Variants in ASTN2 observed in about 807,000 individuals in gnomAD.
ASTN2 encodes the protein astrotactin-2.
A neutral mutation model predicts 139.8 loss-of-function variants in ASTN2; 54 were observed. The observed-to-expected ratio is 0.39, with a 90% confidence interval of 0.31 to 0.48. ASTN2 has a LOEUF of 0.48. Ranked by LOEUF, ASTN2 falls within the 20% of genes least tolerant of loss-of-function variation. The pLI is 0.95. For synonymous variants in ASTN2, 756 were observed against 719.5 expected (o/e 1.05, Z -0.81); for missense variants, 1,565 against 1,725.1 (o/e 0.91, Z 1.64).
intron 13 of ASTN2, among the ~76,000 whole-genome samples, chr9:116,764,352 A>G (rs913852219): frequency 2.6e-5 from 4 of 152,172 alleles, no homozygotes; most frequent in Admixed American, 1.3e-4. Context: ...GTTTGAGCCA[A>G]TGCTGAAGGG....
chr9:116,584,356 T>C (rs372668609), intron 19 of ASTN2: 2 of 152,056 alleles, frequency 1.3e-5, no homozygotes, highest in South Asian at 4.1e-4. Context: ...TTCTGATCTC[T>C]CACTGGACAA....
At chr9:116,833,344 T>C (rs1182057156) in intron 11 of ASTN2, among the ~76,000 whole-genome samples, 2 of 152,196 alleles carry the variant, frequency 1.3e-5, no homozygotes, top group Non-Finnish European at 2.9e-5. Context: ...CATTTTCAAA[T>C]AATCAATTTT....
At chr9:116,556,495 C>T (rs1325984181) in intron 19 of ASTN2, among the ~76,000 whole-genome samples, 1 of 152,162 alleles carries the variant, frequency 6.6e-6, no homozygotes, top group Non-Finnish European at 1.5e-5. Context: ...TAAAAGTCCC[C>T]AGAGGCTGTT....
intron 3 of ASTN2, among the ~76,000 whole-genome samples, chr9:117,193,623 A>T (rs552366588): frequency 2.0e-4 from 24 of 119,128 alleles, no homozygotes; most frequent in African/African-American, 8.0e-4. Context: ...CTGGTGACAC[A>T]GCCAGATTCA....
intron 2 of ASTN2, among the ~76,000 whole-genome samples, chr9:117,285,869 G>A (rs897246205): frequency 6.6e-6 from 1 of 152,256 alleles, no homozygotes; most frequent in African/African-American, 2.4e-5. Flanking sequence ...ATCCTTCTGA[G>A]AGAAACATGC....
intron 17 of ASTN2, among the ~76,000 whole-genome samples, chr9:116,638,525 G>A (rs529848788): frequency 5.2e-4 from 67 of 127,704 alleles, no homozygotes; most frequent in African/African-American, 1.8e-3. Flanking sequence ...TATGGGCTGT[G>A]GGGAATTGCC....
intron 4 of ASTN2, among the ~76,000 whole-genome samples, chr9:117,101,197 C>A (rs1005542710): frequency 6.6e-6 from 1 of 152,148 alleles, no homozygotes; most frequent in Admixed American, 6.5e-5. Flanking sequence ...CTGTGACATC[C>A]TGGGGAGGTG....
chr9:116,903,563 T>C (rs936424951), intron 10 of ASTN2, among the ~76,000 whole-genome samples: 2 of 152,186 alleles, frequency 1.3e-5, no homozygotes, highest in African/African-American at 2.4e-5. Context: ...GAATTAATAA[T>C]AACTGACACT....
intron 5 of ASTN2, among the ~76,000 whole-genome samples, chr9:117,058,600 T>G (rs992429126): frequency 1.1e-4 from 17 of 152,238 alleles, no homozygotes; most frequent in Non-Finnish European, 2.4e-4. Context: ...CCTCTGAAAC[T>G]GTATCTATAC....
At chr9:117,369,796 T>C (rs778369016) in intron 1 of ASTN2, among the ~76,000 whole-genome samples, 3 of 152,158 alleles carry the variant, frequency 2.0e-5, no homozygotes, top group Non-Finnish European at 4.4e-5. Flanking sequence ...CATTTGGTAC[T>C]TTTCCTGTTA....
intron 5 of ASTN2, among the ~76,000 whole-genome samples, chr9:117,068,015 A>C: frequency 1.1e-5 from 1 of 90,298 alleles, no homozygotes; most frequent in Non-Finnish European, 2.2e-5. Flanking sequence ...CTCCTGCCTA[A>C]TTGCCCTGGC....
At chr9:117,055,121 G>C (rs1027543623) in intron 5 of ASTN2, among the ~76,000 whole-genome samples, 1 of 152,192 alleles carries the variant, frequency 6.6e-6, no homozygotes, top group Non-Finnish European at 1.5e-5. Context: ...CTGCAGCCTG[G>C]GGGACCCCTG....
chr9:117,177,956 A>C (rs1050818011), intron 3 of ASTN2, among the ~76,000 whole-genome samples: 1 of 152,002 alleles, frequency 6.6e-6, no homozygotes, highest in South Asian at 2.1e-4. Context: ...GCTCTTTACC[A>C]TCAACTCCAA....
At chr9:116,449,959 G>A (rs895670050) in intron 20 of ASTN2, among the ~76,000 whole-genome samples, 2 of 152,118 alleles carry the variant, frequency 1.3e-5, no homozygotes, top group South Asian at 2.1e-4. Flanking sequence ...CCCATACTTC[G>A]TGGAGCAAAG....
chr9:117,319,919 C>T (rs1293432309), intron 1 of ASTN2, among the ~76,000 whole-genome samples: 1 of 152,172 alleles, frequency 6.6e-6, no homozygotes, highest in East Asian at 1.9e-4. Context: ...AATTTCTCTA[C>T]TGCACCACAG....
intron 19 of ASTN2, among the ~76,000 whole-genome samples, chr9:116,602,555 T>A (rs1324922069): frequency 1.3e-5 from 2 of 152,128 alleles, no homozygotes; most frequent in Non-Finnish European, 2.9e-5. Flanking sequence ...GCATGAAAAA[T>A]GTTAAATTGT....
intron 3 of ASTN2, among the ~76,000 whole-genome samples, chr9:117,169,611 A>G (rs1174006990): frequency 6.6e-6 from 1 of 152,112 alleles, no homozygotes; most frequent in African/African-American, 2.4e-5. Context: ...AAGCCACTAG[A>G]AAAAAGGGCA....
chr9:117,118,027 A>G (rs945538080), intron 4 of ASTN2, among the ~76,000 whole-genome samples: 1 of 152,166 alleles, frequency 6.6e-6, no homozygotes, highest in Non-Finnish European at 1.5e-5. Flanking sequence ...AACGAGGAAA[A>G]AAGTGCCAGG....
chr9:117,377,256 G>A (rs554770526), intron 1 of ASTN2, among the ~76,000 whole-genome samples: 8 of 151,944 alleles, frequency 5.3e-5, no homozygotes, highest in Non-Finnish European at 8.8e-5. Context: ...GGAAGCCCAG[G>A]GCTCTGAATA....
Sources: allele counts gnomAD v4.1 joint callset (sites outside exome capture counted in the v4.1 genomes callset), GRCh38; gene constraint gnomAD v4.1.1; transcripts MANE v1.5; gene names NCBI Gene and HGNC (gene_info 2026-07-23, HGNC 2026-07-21).